Variants in RNF111 observed in about 807,000 individuals in gnomAD.
RNF111 encodes the protein E3 ubiquitin-protein ligase Arkadia.
Under a neutral mutation model 95.1 loss-of-function variants are expected in RNF111, and 17 were observed. The ratio of observed to expected loss-of-function variants is 0.18; its 90% CI spans 0.12 to 0.27. RNF111 has a LOEUF of 0.27. Among genes scored for constraint, RNF111 ranks in the 10% least tolerant of loss-of-function variants. The probability of loss-of-function intolerance (pLI) is 1.00; values close to 1 mark genes in which losing one functional copy is unlikely to be tolerated. For synonymous variants in RNF111, 440 were observed against 414.8 expected (o/e 1.06, Z -0.74); for missense variants, 1,189 against 1,210.4 (o/e 0.98, Z 0.26).
intron 1 of RNF111, among the ~76,000 whole-genome samples, chr15:58,999,467 C>G (rs1313669364): frequency 6.6e-6 from 1 of 152,034 alleles, no homozygotes; most frequent in Non-Finnish European, 1.5e-5. Context: ...TCCCGAGTAG[C>G]TGGGATTACA....
chr15:59,032,724 T>C (rs763818758), intron 2 of RNF111, among the ~76,000 whole-genome samples: 2 of 152,212 alleles, frequency 1.3e-5, no homozygotes, highest in African/African-American at 4.8e-5. Context: ...TTTGCTGTTA[T>C]CATGTTCTTT....
At chr15:59,092,705 T>G in intron 13 of RNF111, 65 bp downstream of exon 13, 2 of 1,447,598 alleles carry the variant, frequency 1.4e-6, no homozygotes, top group Non-Finnish European at 1.9e-6. Context: ...ATTTGAAAAG[T>G]AAATTACACC....
At chr15:59,086,137 T>C (rs1163652445) in intron 10 of RNF111, among the ~76,000 whole-genome samples, 2 of 152,154 alleles carry the variant, frequency 1.3e-5, no homozygotes, top group Non-Finnish European at 2.9e-5. Flanking sequence ...TTCTTTTTTT[T>C]TCGACAGAGT....
intron 2 of RNF111, among the ~76,000 whole-genome samples, chr15:59,041,907 GT>G (rs1254050057): frequency 7.3e-5 from 10 of 137,050 alleles, no homozygotes; most frequent in Non-Finnish European, 1.1e-4. Context: ...CTTTTCATAT[GT>G]TTTAAAAACT....
chr15:59,091,204 TG>T, intron 12 of RNF111, 50 bp downstream of exon 12: 2 of 1,023,356 alleles, frequency 2.0e-6, no homozygotes, highest in Non-Finnish European at 3.0e-6. Flanking sequence ...AAGGCATAAA[TG>T]TAATATATAC....
chr15:59,072,932 G>T (rs189529496), intron 6 of RNF111, among the ~76,000 whole-genome samples: 72 of 150,490 alleles, frequency 4.8e-4, no homozygotes, highest in African/African-American at 1.7e-3. Flanking sequence ...TCATGCATTT[G>T]CTCCCAACAC....
chr15:59,021,648 A>T (rs1269707005), intron 1 of RNF111, among the ~76,000 whole-genome samples: 1 of 152,170 alleles, frequency 6.6e-6, no homozygotes, highest in East Asian at 1.9e-4. Flanking sequence ...TTCCAATTTT[A>T]TAGACTAAAA....
At chr15:59,083,383 C>T (rs957815049) in intron 8 of RNF111, among the ~76,000 whole-genome samples, 10 of 151,834 alleles carry the variant, frequency 6.6e-5, no homozygotes, top group Admixed American at 6.6e-4. Context: ...TCTCAAAATA[C>T]AAAAATTAGC....
chr15:59,031,690 G>A lies in RNF111; in HGVS notation c.868G>A (p.Ala290Thr). ...SASENHQNNP[A>T]VPSGSIDEDV... is the part of the protein sequence containing the mutation. Reference sequence around the variant, plus strand: ...CAGTGAAAACCACCAAAACAATCCAGCTGTTCCCTCAGGTAAAAATGTTTA... The same window carrying A: ...CAGTGAAAACCACCAAAACAATCCAACTGTTCCCTCAGGTAAAAATGTTTA... The change falls in exon 2 of 14, where the codon GCT becomes ACT. Residue 290 changes from alanine (A) to threonine (T), a missense_variant. Ala to Thr is a moderately conservative substitution (Grantham distance 58). This residue lies in a region of RNF111 where 1,024 missense variants were observed against 925.9 expected (regional missense o/e 1.11). Coordinates refer to ENST00000348370, the MANE Select transcript of RNF111 (RefSeq NM_017610.8). 6.2e-7 allele frequency: 1 copy of A among 1,613,134 alleles called. No individual in the cohort carries two copies. Among genetic ancestry groups the A allele is most frequent in the Non-Finnish European group, 8.5e-7 (1 of 1,179,526 alleles).
intron 1 of RNF111, among the ~76,000 whole-genome samples, chr15:59,002,069 A>G (rs1567201671): frequency 6.6e-6 from 1 of 152,234 alleles, no homozygotes; most frequent in Non-Finnish European, 1.5e-5. Flanking sequence ...GTAGGCATTC[A>G]TAAGCGGTTA....
intron 5 of RNF111, among the ~76,000 whole-genome samples, chr15:59,065,847 C>CA (rs1263662435): frequency 6.6e-6 from 1 of 152,086 alleles, no homozygotes; most frequent in Non-Finnish European, 1.5e-5. Context: ...CTTGTCTCTA[C>CA]AAAAAATACA....
At chr15:59,027,775 C>T (rs1254118832) in intron 1 of RNF111, among the ~76,000 whole-genome samples, 1 of 150,384 alleles carries the variant, frequency 6.6e-6, no homozygotes, top group Non-Finnish European at 1.5e-5. Context: ...TCAGGTGATC[C>T]ACCCGCTTCA....
chr15:59,008,612 C>G (rs571759369), intron 1 of RNF111, among the ~76,000 whole-genome samples: 1 of 152,178 alleles, frequency 6.6e-6, no homozygotes, highest in African/African-American at 2.4e-5. Context: ...TGTTTCTGGA[C>G]TCTCTAGTCT....
intron 9 of RNF111, among the ~76,000 whole-genome samples, chr15:59,084,520 G>C (rs1183190289): frequency 6.6e-6 from 1 of 152,002 alleles, no homozygotes; most frequent in African/African-American, 2.4e-5. Context: ...TATATTTGGA[G>C]GTACAGCATA....
chr15:59,054,766 A>G (rs1315898674), intron 3 of RNF111, among the ~76,000 whole-genome samples: 1 of 152,146 alleles, frequency 6.6e-6, no homozygotes, highest in Non-Finnish European at 1.5e-5. Context: ...TTCTCTTCTT[A>G]GTGGTTAAGC....
In RNF111 at chr15:59,031,162, G is replaced by T. The variant is rs1788716037; in HGVS notation, c.340G>T (p.Gly114Ter). Reference protein sequence around the residue: ...YVQNCVKENQGILGLRQHLGT... With the variant: ...YVQNCVKENQ The stretch of plus-strand genomic sequence containing the variant: ...GCAGAATTGTGTTAAAGAAAACCAG[G>T]GAATATTAGGACTGAGGCAACACCT... Residue 114 changes from glycine to a stop codon, truncating the protein, a stop_gained, in exon 2 of 14, where the codon GGA (glycine) becomes TGA (stop). Transcript: ENST00000348370. LOFTEE classifies it high-confidence loss of function. 1 of 1,613,928 alleles carries T rather than the reference G, an allele frequency of 6.2e-7. No homozygotes were observed. Among genetic ancestry groups the T allele is most frequent in the Non-Finnish European group, 8.5e-7 (1 of 1,180,012 alleles).
chr15:58,988,364 G>A (rs2038661058), intron 1 of RNF111: 1 of 152,476 alleles, frequency 6.6e-6, no homozygotes, highest in African/African-American at 2.4e-5. Context: ...GGGGGCTGAG[G>A]ACCGAGGCGT....
Position 59,092,652 on chromosome 15 carries a change from T to G in RNF111, c.2843+12T>G. The G allele has an allele frequency of 6.3e-7, 1 of 1,597,202 alleles. No homozygotes were observed. The highest frequency in any genetic ancestry group is 2.3e-5 in the East Asian group (1 of 44,110). The stretch of plus-strand genomic sequence containing the variant: ...GGTGAAGATGTGAGGTAACTAGATA[T>G]TAATTATCTAAAATCCATTGTCAAA... On this transcript the variant is annotated intron_variant, in intron 13 of 13. Transcript: ENST00000348370.
intron 6 of RNF111, among the ~76,000 whole-genome samples, chr15:59,073,225 CTTTG>C (rs1250915338): frequency 1.3e-5 from 2 of 152,166 alleles, no homozygotes; most frequent in Middle Eastern, 3.4e-3. Flanking sequence ...AATCCCAGCA[CTTTG>C]TTTGAGAGGC....
Sources: gnomAD v4.1 joint callset for allele counts (sites outside exome capture counted in the v4.1 genomes callset) on GRCh38, gnomAD v4.1.1 for gene constraint, gnomAD v4.1.1 regional missense constraint, MANE v1.5 for transcripts, NCBI Gene and HGNC (gene_info 2026-07-23, HGNC 2026-07-21) for gene names.